Variants in APPL2 observed in about 807,000 individuals in gnomAD.
APPL2 encodes DCC-interacting protein 13-beta.
Under a neutral mutation model 92.7 loss-of-function variants are expected in APPL2, and 84 were observed. That is an observed-to-expected ratio of 0.91 (90% CI 0.76 to 1.09). The LOEUF is 1.09. Among genes scored for constraint, APPL2 ranks in the 50% least tolerant of loss-of-function variants. The pLI, the probability that APPL2 is intolerant of heterozygous loss-of-function variation, is 0.00. For synonymous variants in APPL2, 291 were observed against 291.0 expected, an observed-to-expected ratio of 1.00 and a Z score of 0.00; for missense variants, 736 against 824.5, an observed-to-expected ratio of 0.89 and a Z score of 1.31.
chr12:105,234,382 A>G (rs1891109490), intron 1 of APPL2, among the ~76,000 whole-genome samples: 1 of 152,238 alleles, frequency 6.6e-6, no homozygotes. Flanking sequence ...ATCCTAAGTG[A>G]GCGTGAGAGC....
chr12:105,236,126 C>A lies in APPL2; in HGVS notation c.-114G>T. 1.4e-6 allele frequency: 1 copy of A among 719,418 alleles called. No homozygotes were observed. Among genetic ancestry groups the A allele is most frequent in the African/African-American group, 2.0e-5 (1 of 49,662 alleles). The allele number at this position is 719,418 out of a possible 1,614,324, so 44.6% of individuals were successfully genotyped here. On this transcript the variant is annotated 5_prime_UTR_variant, in exon 1 of 21. Transcript: ENST00000258530. The stretch of plus-strand genomic sequence containing the variant: ...GGCGACGCGGCGGCCACTCCGTGCC[C>A]GCGGCGGCCCCGCGCGCGTCCACGC...
At chr12:105,188,546 G>A (rs1199012634) in intron 16 of APPL2, 99 bp from the exon 17 acceptor site, 1 of 1,340,576 alleles carries the variant, frequency 7.5e-7, no homozygotes, top group East Asian at 2.5e-5. Context: ...GCTTTCTGTG[G>A]AGGACTTTCT....
chr12:105,216,727 C>A (rs1889728605), intron 4 of APPL2, among the ~76,000 whole-genome samples: 1 of 152,214 alleles, frequency 6.6e-6, no homozygotes, highest in Non-Finnish European at 1.5e-5. Context: ...GCCTACAGCA[C>A]ACTGGGAGGG....
chr12:105,186,681 C>CATATATATCATATATG (rs1886724830), intron 17 of APPL2, among the ~76,000 whole-genome samples: 3 of 45,466 alleles, frequency 6.6e-5, no homozygotes, highest in African/African-American at 2.5e-4. Flanking sequence ...TATGATATAT[C>CATATATATCATATATG]ATATATATAT....
At chr12:105,210,202 C>T (rs1290735378) in intron 5 of APPL2, among the ~76,000 whole-genome samples, 2 of 152,158 alleles carry the variant, frequency 1.3e-5, no homozygotes, top group African/African-American at 2.4e-5. Context: ...CCTAGTGATC[C>T]GCCCGCCTCA....
At chr12:105,230,991 C>T (rs1180630374) in intron 1 of APPL2, among the ~76,000 whole-genome samples, 1 of 152,230 alleles carries the variant, frequency 6.6e-6, no homozygotes, top group East Asian at 1.9e-4. Context: ...GTATGAAATA[C>T]ATCAGGACCT....
At chr12:105,194,797 T>G in intron 14 of APPL2, among the ~76,000 whole-genome samples, 1 of 143,552 alleles carries the variant, frequency 7.0e-6, no homozygotes, top group Non-Finnish European at 1.5e-5. Flanking sequence ...AAAAAAAAAG[T>G]ATGTGCAAAT....
At chr12:105,214,185 T>C (rs1441444635) in intron 4 of APPL2, among the ~76,000 whole-genome samples, 1 of 152,160 alleles carries the variant, frequency 6.6e-6, no homozygotes, top group African/African-American at 2.4e-5. Flanking sequence ...AAACTCTGTC[T>C]CAAAAAATAA....
At chr12:105,202,824 G>T in intron 9 of APPL2, among the ~76,000 whole-genome samples, 1 of 152,106 alleles carries the variant, frequency 6.6e-6, no homozygotes, top group East Asian at 1.9e-4. Flanking sequence ...CTCAGCACTG[G>T]TTTTTCTTGG....
At chr12:105,199,857 C>T (rs1260203447) in intron 9 of APPL2, among the ~76,000 whole-genome samples, 5 of 151,390 alleles carry the variant, frequency 3.3e-5, no homozygotes, top group Admixed American at 6.6e-5. Flanking sequence ...CTCGCTCTGT[C>T]GCCCAGGCTG....
Position 105,222,497 on chromosome 12 carries a change from T to C in APPL2, c.154-4772A>G, listed in dbSNP as rs114186668. ...GAGTCAGAAAGAACTGTGCTGCCCA[T>C]GTGGAAGGCCAGATGGAGAACGGTG... On this transcript the variant is annotated intron_variant, in intron 2 of 20. Coordinates refer to ENST00000258530, the MANE Select transcript of APPL2 (RefSeq NM_018171.5). Among the ~76,000 whole-genome samples, 747 of 152,222 alleles carry C rather than the reference T, an allele frequency of 4.9e-3. 11 individuals carry two copies. Among genetic ancestry groups the C allele is most frequent in the African/African-American group, 0.017 (706 of 41,536 alleles).
intron 17 of APPL2, among the ~76,000 whole-genome samples, chr12:105,181,700 G>A (rs1023028670): frequency 1.3e-5 from 2 of 152,116 alleles, no homozygotes; most frequent in Admixed American, 1.3e-4. Flanking sequence ...GAGGGTGTAT[G>A]TGTCCAGGAA....
intron 2 of APPL2, among the ~76,000 whole-genome samples, chr12:105,225,827 G>A (rs1425396372): frequency 6.6e-6 from 1 of 152,194 alleles, no homozygotes; most frequent in African/African-American, 2.4e-5. Context: ...TTTTCCTCTA[G>A]TTTTTCTTGT....
chr12:105,174,430 G>A lies in APPL2; in HGVS notation c.1879C>T (p.Gln627Ter), dbSNP rs1446346800. ...GTTAGTGGTATGGACAGCATTAATT[G>A]AGCCAGTGCTTCTGGATCCTGAAGT... ...EVQKDPEALA[Q>*]LMLSIPLTND... Residue 627 changes from glutamine to a stop codon, truncating the protein, a stop_gained, in exon 21 of 21, where the codon CAA becomes TAA. Transcript: ENST00000258530. LOFTEE classifies it high-confidence loss of function. 1 of 1,613,202 alleles carries A rather than the reference G, an allele frequency of 6.2e-7. No individual in the cohort carries two copies. Among genetic ancestry groups the A allele is most frequent in the Non-Finnish European group, 8.5e-7 (1 of 1,179,654 alleles).
At chr12:105,185,711 CAATT>C (rs1381823743) in intron 17 of APPL2, among the ~76,000 whole-genome samples, 1 of 152,052 alleles carries the variant, frequency 6.6e-6, no homozygotes, top group African/African-American at 2.4e-5. Context: ...GTCTGGGAAT[CAATT>C]TTTCTTTTTA....
At chr12:105,174,495 GCATTTAAAC>G in intron 20 of APPL2, 47 bp from the exon 21 acceptor site, 1 of 1,586,244 alleles carries the variant, frequency 6.3e-7, no homozygotes, top group Non-Finnish European at 8.6e-7. Context: ...GGCTTAAGAT[GCATTTAAAC>G]CCCTTTGGCC....
chr12:105,202,072 T>G lies in APPL2; in HGVS notation c.704+1631A>C, dbSNP rs556146598. On this transcript the variant is annotated intron_variant, in intron 9 of 20. Transcript: ENST00000258530. ...AAGTGGTCATATTTACTCACCAACA[T>G]GAAATTTAAAATTACAGGAAAAATA... 4.1e-4 allele frequency among the ~76,000 whole-genome samples: 63 copies of G among 152,352 alleles called. No homozygotes were observed. In the Middle Eastern group the frequency reaches 0.01, roughly 25 times the overall value.
chr12:105,199,670 A>G, intron 9 of APPL2, 139 bp from the exon 10 acceptor site: 2 of 835,456 alleles, frequency 2.4e-6, no homozygotes, highest in Non-Finnish European at 1.8e-6. Flanking sequence ...CAGGGCCACA[A>G]CCCTCTACCC....
At chr12:105,200,238 T>C (rs974634019) in intron 9 of APPL2, among the ~76,000 whole-genome samples, 4 of 152,146 alleles carry the variant, frequency 2.6e-5, no homozygotes, top group Non-Finnish European at 4.4e-5. Flanking sequence ...CCAGGGCTGC[T>C]CACACAGGCA....
Sources: allele counts gnomAD v4.1 joint callset (sites outside exome capture counted in the v4.1 genomes callset), GRCh38; gene constraint gnomAD v4.1.1; transcripts MANE v1.5; gene names NCBI Gene and HGNC (gene_info 2026-07-23, HGNC 2026-07-21).